The following GPC5 variants were observed in gnomAD, a reference collection of about 807,000 sequenced individuals.
The protein encoded by GPC5 is glypican 5.
GPC5 carries 47 observed loss-of-function variants against 53.9 expected under a neutral mutation model. The observed-to-expected ratio is 0.87, with a 90% CI of 0.69 to 1.11. The LOEUF (loss-of-function observed/expected upper bound fraction) is 1.11. Ranked by LOEUF, GPC5 falls within the 50% of genes most tolerant of loss-of-function variation. GPC5 has a pLI of 0.00. For synonymous variants in GPC5, 286 were observed against 263.3 expected (o/e 1.09, Z -0.84); for missense variants, 748 against 713.1 (o/e 1.05, Z -0.56).
chr13:91,893,279 ACTTTGT>A (rs2039407389), intron 5 of GPC5, among the ~76,000 whole-genome samples: 1 of 152,018 alleles, frequency 6.6e-6, no homozygotes, highest in African/African-American at 2.4e-5. Context: ...TATGCCAATG[ACTTTGT>A]ATTTTTGTAT....
At chr13:92,835,178 GTTC>G (rs1275001974) in intron 7 of GPC5, among the ~76,000 whole-genome samples, 5 of 151,686 alleles carry the variant, frequency 3.3e-5, no homozygotes, top group African/African-American at 1.2e-4. Flanking sequence ...CAAAGCCTAG[GTTC>G]TTATTTTAAT....
intron 5 of GPC5, among the ~76,000 whole-genome samples, chr13:91,800,582 A>G (rs746276075): frequency 4.6e-5 from 7 of 152,122 alleles, no homozygotes; most frequent in Admixed American, 1.3e-4. Flanking sequence ...TCAATCCTCT[A>G]ATCATGAGTG....
intron 6 of GPC5, among the ~76,000 whole-genome samples, chr13:91,957,141 A>G (rs1259470908): frequency 1.3e-5 from 2 of 152,188 alleles, no homozygotes; most frequent in Non-Finnish European, 2.9e-5. Context: ...TAGTAAAAAA[A>G]TGGAAATTCT....
chr13:91,951,648 T>C (rs1175574889), intron 6 of GPC5, among the ~76,000 whole-genome samples: 5 of 152,154 alleles, frequency 3.3e-5, no homozygotes, highest in African/African-American at 1.2e-4. Flanking sequence ...TGCCTACTGG[T>C]CACATTTTTA....
chr13:92,636,143 G>C (rs1885397211), intron 7 of GPC5, among the ~76,000 whole-genome samples: 1 of 152,170 alleles, frequency 6.6e-6, no homozygotes, highest in African/African-American at 2.4e-5. Flanking sequence ...TCTCCAATCA[G>C]TATTCTTAGT....
chr13:91,909,333 G>A (rs2138999886), intron 6 of GPC5, among the ~76,000 whole-genome samples: 1 of 152,210 alleles, frequency 6.6e-6, no homozygotes, highest in Non-Finnish European at 1.5e-5. Context: ...GTGCATAATT[G>A]ATAATAAAAC....
chr13:91,762,545 G>C (rs996456351), intron 5 of GPC5, among the ~76,000 whole-genome samples: 3 of 150,244 alleles, frequency 2.0e-5, no homozygotes, highest in Non-Finnish European at 4.4e-5. Context: ...TGCAAAGGCA[G>C]TATGTTCTTT....
intron 7 of GPC5, chr13:92,339,733 A>C (rs1465060372): frequency 6.6e-6 from 1 of 152,120 alleles, no homozygotes; most frequent in Admixed American, 6.6e-5. Flanking sequence ...AATTTCAATA[A>C]ATCTATGTTT....
At chr13:91,960,755 T>C (rs762883986) in intron 6 of GPC5, among the ~76,000 whole-genome samples, 43 of 151,916 alleles carry the variant, frequency 2.8e-4, no homozygotes, top group Non-Finnish European at 4.9e-4. Context: ...TCTACATATG[T>C]ACAGCTACAC....
intron 7 of GPC5, among the ~76,000 whole-genome samples, chr13:92,578,510 A>T (rs991416252): frequency 6.6e-6 from 1 of 152,200 alleles, no homozygotes; most frequent in Admixed American, 6.5e-5. Context: ...ATCTGCAGGC[A>T]GGAGAACCAG....
intron 7 of GPC5, among the ~76,000 whole-genome samples, chr13:92,702,490 CT>C (rs1887785434): frequency 6.6e-6 from 1 of 152,038 alleles, no homozygotes. Flanking sequence ...GGCCAAAAAT[CT>C]TGGATGAATC....
At chr13:92,759,007 T>TTG (rs1875039075) in intron 7 of GPC5, among the ~76,000 whole-genome samples, 3 of 146,898 alleles carry the variant, frequency 2.0e-5, no homozygotes, top group South Asian at 4.4e-4. Context: ...TTTTTTTTTT[T>TTG]TTTTTTTTTT....
chr13:92,718,806 T>C (rs1888412071), intron 7 of GPC5, among the ~76,000 whole-genome samples: 1 of 151,058 alleles, frequency 6.6e-6, no homozygotes. Flanking sequence ...CTTGAGCAAT[T>C]GCCTCTGCCT....
intron 2 of GPC5, among the ~76,000 whole-genome samples, chr13:91,663,738 A>G (rs2035040650): frequency 1.3e-5 from 2 of 152,162 alleles, no homozygotes; most frequent in Admixed American, 1.3e-4. Flanking sequence ...TGTTGGGATT[A>G]CAGGCATTAG....
rs532224300 is a variant in GPC5 at position 92,610,206 on chromosome 13, A to G, written c.1562-256076A>G. Among the ~76,000 whole-genome samples the G allele has an allele frequency of 1.5e-4, 23 of 152,258 alleles. No individual in the cohort carries two copies. In the East Asian group the frequency reaches 4.4e-3, roughly 29 times the overall value. ...CTTTCTGGGTTCATCATTATTATGG[A>G]TATTTGATTATCTAGAGAACAACTA... On this transcript the variant is annotated intron_variant, in intron 7 of 7. Coordinates refer to ENST00000377067, the MANE Select transcript of GPC5 (RefSeq NM_004466.6).
intron 6 of GPC5, among the ~76,000 whole-genome samples, chr13:92,092,850 T>C (rs1023823680): frequency 6.6e-6 from 1 of 152,168 alleles, no homozygotes; most frequent in Non-Finnish European, 1.5e-5. Context: ...TGCCATAGGA[T>C]GTTTTGACTG....
chr13:92,230,790 G>A (rs1555321241), intron 7 of GPC5, among the ~76,000 whole-genome samples: 3 of 152,128 alleles, frequency 2.0e-5, no homozygotes, highest in Non-Finnish European at 4.4e-5. Context: ...CCTACCTGGT[G>A]CACTGATTGG....
At chr13:92,172,621 A>C (rs80259981) in intron 7 of GPC5, among the ~76,000 whole-genome samples, 1,911 of 152,302 alleles carry the variant, frequency 0.013, 33 homozygotes, top group African/African-American at 0.044. Context: ...TCCCCTGTTC[A>C]TCTACTGCTT....
chr13:92,072,197 T>C (rs1020061527), intron 6 of GPC5, among the ~76,000 whole-genome samples: 27 of 148,462 alleles, frequency 1.8e-4, no homozygotes, highest in African/African-American at 6.1e-4. Flanking sequence ...TATAAATAAA[T>C]AAAATGTATA....
Sources: gnomAD v4.1 joint callset for allele counts (sites outside exome capture counted in the v4.1 genomes callset) on GRCh38, gnomAD v4.1.1 for gene constraint, MANE v1.5 for transcripts, NCBI Gene and HGNC (gene_info 2026-07-23, HGNC 2026-07-21) for gene names.